Variants in CELF2 observed in about 807,000 individuals in gnomAD.
CELF2 encodes CUGBP Elav-like family member 2.
A neutral mutation model predicts 62.6 loss-of-function variants in CELF2; 8 were observed. That is an observed-to-expected ratio of 0.13 (90% CI 0.07 to 0.23). The LOEUF is 0.23. Among genes scored for constraint, CELF2 ranks in the 10% least tolerant of loss-of-function variants. The pLI, the probability that CELF2 is intolerant of heterozygous loss-of-function variation, is 1.00. For synonymous variants in CELF2, 258 were observed against 250.0 expected (o/e 1.03, Z -0.30); for missense variants, 333 against 671.0 (o/e 0.50, Z 5.56).
At chr10:10,582,402 A>G in the CELF2 span, among the ~76,000 whole-genome samples, 87 of 152,300 alleles carry the variant, frequency 5.7e-4, no homozygotes, top group African/African-American at 2.1e-3. Context: ...AATGCCTGAG[A>G]TAGTTTTCCG....
chr10:11,179,984 T>C (rs569289936), intron 2 of CELF2, among the ~76,000 whole-genome samples: 1 of 152,296 alleles, frequency 6.6e-6, no homozygotes, highest in East Asian at 1.9e-4. Context: ...CCCCCTAGTC[T>C]TCTCTGTCAG....
At chr10:11,167,560 T>G (rs188275018) in intron 2 of CELF2, among the ~76,000 whole-genome samples, 1 of 152,370 alleles carries the variant, frequency 6.6e-6, no homozygotes, top group African/African-American at 2.4e-5. Flanking sequence ...GTCAGGTAAG[T>G]ACCTATGTGT....
At chr10:10,631,545 A>G in the CELF2 span, among the ~76,000 whole-genome samples, 1 of 152,222 alleles carries the variant, frequency 6.6e-6, no homozygotes. Context: ...ACTTGACAGT[A>G]ACACTACTTC....
intron 1 of CELF2, among the ~76,000 whole-genome samples, chr10:10,893,530 T>G (rs1445518097): frequency 6.6e-6 from 1 of 152,132 alleles, no homozygotes; most frequent in East Asian, 1.9e-4. Flanking sequence ...GCAAACCCAG[T>G]CTAGGAAGGT....
chr10:11,145,913 T>C lies in CELF2; in HGVS notation c.75-19573T>C, dbSNP rs1444962790. Among the ~76,000 whole-genome samples the C allele has an allele frequency of 6.6e-6, 1 of 152,238 alleles. No homozygotes were observed. The highest frequency in any genetic ancestry group is 2.4e-5 in the African/African-American group (1 of 41,464). Reference sequence around the variant, plus strand: ...ATTATTCCTTATGTATACTTTTTTCTTTTTCATTTTCTAACTACTACTTAA... The same window carrying C: ...ATTATTCCTTATGTATACTTTTTTCCTTTTCATTTTCTAACTACTACTTAA... On this transcript the variant is annotated intron_variant, in intron 1 of 12. Coordinates refer to ENST00000633077, the MANE Select transcript of CELF2 (RefSeq NM_001326342.2). The surrounding 1 kb of genome is among the most constrained non-coding windows in gnomAD (Gnocchi z 4.3).
chr10:10,943,535 T>C (rs1043952479), intron 2 of CELF2, among the ~76,000 whole-genome samples: 1 of 152,222 alleles, frequency 6.6e-6, no homozygotes, highest in African/African-American at 2.4e-5. Context: ...CTCTGGAGCC[T>C]GAGGCAAAAC....
chr10:10,774,781 C>T, the CELF2 span, among the ~76,000 whole-genome samples: 1 of 152,142 alleles, frequency 6.6e-6, no homozygotes, highest in African/African-American at 2.4e-5. Context: ...TGAGAAGGGA[C>T]CAGCGGGTTT....
chr10:10,796,757 A>G (rs1380137141), upstream of CELF2: 2 of 291,386 alleles, frequency 6.9e-6, no homozygotes, highest in Non-Finnish European at 5.1e-6. Flanking sequence ...AGCTATTATT[A>G]TCACCCACAT....
chr10:10,838,729 G>C (rs1359980997), intron 1 of CELF2, among the ~76,000 whole-genome samples: 1 of 152,024 alleles, frequency 6.6e-6, no homozygotes. Context: ...TGTGGGTTTT[G>C]TTTTGTTATA....
chr10:10,532,581 CGTTA>C, the CELF2 span, among the ~76,000 whole-genome samples: 1 of 152,120 alleles, frequency 6.6e-6, no homozygotes, highest in African/African-American at 2.4e-5. Context: ...AGCAGCAGAA[CGTTA>C]GTTAAATAAT....
chr10:11,103,384 T>G (rs1034340406), intron 1 of CELF2, among the ~76,000 whole-genome samples: 2 of 152,014 alleles, frequency 1.3e-5, no homozygotes, highest in Non-Finnish European at 2.9e-5. Context: ...AGCTTTTATT[T>G]TCACTTACAT....
At position 11,084,309 on chromosome 10, in the gene CELF2, A is replaced by G. The variant is rs149618754; in HGVS notation, c.74+66146A>G. On this transcript the variant is annotated intron_variant, in intron 1 of 12. Coordinates refer to ENST00000633077, the MANE Select transcript of CELF2 (RefSeq NM_001326342.2). ...TCTTGTTGGGCAGCCAGAGGAATGCATGGACACAAGATTGGCTGTGTTTTT... is the reference window on the plus strand; with the variant it reads ...TCTTGTTGGGCAGCCAGAGGAATGCGTGGACACAAGATTGGCTGTGTTTTT... Among the ~76,000 whole-genome samples, 698 of 152,322 alleles carry G rather than the reference A, an allele frequency of 4.6e-3. 5 individuals carry two copies. Among genetic ancestry groups the G allele is most frequent in the African/African-American group, 0.016 (659 of 41,564 alleles).
At chr10:10,488,815 C>T in the CELF2 span, among the ~76,000 whole-genome samples, 1 of 152,068 alleles carries the variant, frequency 6.6e-6, no homozygotes, top group Non-Finnish European at 1.5e-5. Flanking sequence ...ATTATCAAAT[C>T]TTTCCATTCT....
intron 1 of CELF2, among the ~76,000 whole-genome samples, chr10:11,124,162 C>G (rs773449667): frequency 6.6e-6 from 1 of 152,182 alleles, no homozygotes; most frequent in South Asian, 2.1e-4. Context: ...TGGTGCTGCC[C>G]TTGACACATG....
chr10:10,881,719 C>G (rs1210105060), intron 1 of CELF2, among the ~76,000 whole-genome samples: 2 of 151,026 alleles, frequency 1.3e-5, no homozygotes, highest in Non-Finnish European at 3.0e-5. Flanking sequence ...AGAGTCATCT[C>G]TCAGAGTCCA....
At chr10:10,818,766 T>C (rs1367483747) in intron 1 of CELF2, among the ~76,000 whole-genome samples, 3 of 152,056 alleles carry the variant, frequency 2.0e-5, no homozygotes, top group Admixed American at 6.6e-5. Context: ...TTAGTAGAGA[T>C]GGGGTTTCCC....
At chr10:10,857,652 TATATATATATATA>T (rs2133024811) in intron 1 of CELF2, among the ~76,000 whole-genome samples, 2 of 80,206 alleles carry the variant, frequency 2.5e-5, no homozygotes, top group African/African-American at 9.1e-5. Context: ...ATATATAGTA[TATATATATATATA>T]TATATATATA....
chr10:11,065,705 C>T (rs1457327988), intron 1 of CELF2, among the ~76,000 whole-genome samples: 3 of 152,090 alleles, frequency 2.0e-5, no homozygotes, highest in Non-Finnish European at 4.4e-5. Context: ...ACCCCACCCC[C>T]CGCCATTGCT....
At position 11,328,152 on chromosome 10, in the gene CELF2, A is replaced by ATTAAGTTCTAAG. The variant is rs1395386219; in HGVS notation, c.1439-773_1439-762dup. ...AGAGATGGGGAATTCTCTTCAGATG[A>ATTAAGTTCTAAG]TTAAGTTCTAAGCCGTTGACTATGT... On this transcript the variant is annotated intron_variant, in intron 12 of 12. Transcript: ENST00000633077. This position sits in a 1 kb window ranked among gnomAD's most constrained non-coding sequence, Gnocchi z 6.4. 2.0e-5 allele frequency among the ~76,000 whole-genome samples: 3 copies of ATTAAGTTCTAAG among 152,170 alleles called. No homozygotes were observed. The highest frequency in any genetic ancestry group is 4.4e-5 in the Non-Finnish European group (3 of 68,026).
Sources: gnomAD v4.1 joint callset for allele counts (sites outside exome capture counted in the v4.1 genomes callset) on GRCh38, gnomAD v4.1.1 for gene constraint, Gnocchi (gnomAD v3.1) non-coding constraint, MANE v1.5 for transcripts, NCBI Gene and HGNC (gene_info 2026-07-23, HGNC 2026-07-21) for gene names.